The following DLGAP2 variants were observed in gnomAD, a reference collection of about 807,000 sequenced individuals.
The protein encoded by DLGAP2 is DLG associated protein 2.
A neutral mutation model predicts 100.3 loss-of-function variants in DLGAP2; 26 were observed. The ratio of observed to expected loss-of-function variants is 0.26; its 90% CI spans 0.19 to 0.36. DLGAP2 has a LOEUF of 0.36. DLGAP2 is among the 10% of genes least tolerant of loss of function. DLGAP2 has a pLI of 1.00. For synonymous variants in DLGAP2, 886 were observed against 630.1 expected, an observed-to-expected ratio of 1.41 and a Z score of -6.08; for missense variants, 1,858 against 1,453.2, an observed-to-expected ratio of 1.28 and a Z score of -4.53.
intron 6 of DLGAP2, among the ~76,000 whole-genome samples, chr8:1,577,350 A>G (rs1057277254): frequency 2.0e-5 from 3 of 151,724 alleles, no homozygotes; most frequent in Non-Finnish European, 4.4e-5. Context: ...GGGCAGATCA[A>G]CTGAGGTCAG....
intron 6 of DLGAP2, among the ~76,000 whole-genome samples, chr8:1,573,381 G>A (rs1333661853): frequency 7.1e-6 from 1 of 140,172 alleles, no homozygotes; most frequent in African/African-American, 2.7e-5. Context: ...CTGATGAGAT[G>A]GAGGGGAGAG....
chr8:1,487,725 T>C (rs1799266157), intron 3 of DLGAP2, among the ~76,000 whole-genome samples: 1 of 152,236 alleles, frequency 6.6e-6, no homozygotes, highest in Non-Finnish European at 1.5e-5. Flanking sequence ...AGGTCCCACC[T>C]GTGCACTGCT....
intron 10 of DLGAP2, among the ~76,000 whole-genome samples, chr8:1,675,737 T>G (rs1237225610): frequency 6.6e-6 from 1 of 152,134 alleles, no homozygotes; most frequent in Non-Finnish European, 1.5e-5. Context: ...AGGTAATACT[T>G]TTCTGGAAAG....
intron 2 of DLGAP2, among the ~76,000 whole-genome samples, chr8:922,653 G>C (rs1387077503): frequency 6.6e-6 from 1 of 152,180 alleles, no homozygotes; most frequent in Non-Finnish European, 1.5e-5. Flanking sequence ...ATATCTAATA[G>C]AAATAGTTTT....
chr8:1,663,969 G>C (rs2472105), intron 8 of DLGAP2, among the ~76,000 whole-genome samples: 1 of 152,202 alleles, frequency 6.6e-6, no homozygotes, highest in African/African-American at 2.4e-5. Context: ...TCAGCCCCCA[G>C]AGGAGCCTGC....
intron 1 of DLGAP2, among the ~76,000 whole-genome samples, chr8:875,260 T>C (rs570282880): frequency 6.6e-6 from 1 of 152,330 alleles, no homozygotes; most frequent in African/African-American, 2.4e-5. Context: ...ATCATTGATA[T>C]AGTTGGATTT....
At chr8:828,121 G>C (rs1283168757) in intron 1 of DLGAP2, among the ~76,000 whole-genome samples, 1 of 152,162 alleles carries the variant, frequency 6.6e-6, no homozygotes, top group Non-Finnish European at 1.5e-5. Flanking sequence ...CCACAGGACC[G>C]AAGCGAAATT....
intron 3 of DLGAP2, among the ~76,000 whole-genome samples, chr8:1,489,545 T>A (rs7843102): frequency 0.68 from 102,636 of 151,564 alleles, 35,604 homozygotes; most frequent in African/African-American, 0.82. Context: ...TACTGTCTTT[T>A]CCAAAGACTG....
chr8:1,130,001 A>G (rs1209760488), intron 2 of DLGAP2, among the ~76,000 whole-genome samples: 2 of 152,226 alleles, frequency 1.3e-5, no homozygotes, highest in African/African-American at 4.8e-5. Context: ...ATCATGGTCA[A>G]GGGATCCTGC....
intron 2 of DLGAP2, among the ~76,000 whole-genome samples, chr8:1,029,313 C>T (rs2129027503): frequency 6.6e-6 from 1 of 152,300 alleles, no homozygotes; most frequent in East Asian, 1.9e-4. Flanking sequence ...GAGAAGAGTA[C>T]AACCTGGGAC....
intron 2 of DLGAP2, among the ~76,000 whole-genome samples, chr8:1,171,065 G>C (rs1346388172): frequency 6.6e-6 from 1 of 151,982 alleles, no homozygotes; most frequent in African/African-American, 2.4e-5. Context: ...ATGTGTCCGA[G>C]ATTCTGGTAT....
rs954366122 is a variant in DLGAP2 at position 1,705,613 on chromosome 8, G to A, written c.*4207G>A. 6.6e-6 allele frequency: 1 copy of A among 152,388 alleles called. No homozygotes were observed. The highest frequency in any genetic ancestry group is 1.5e-5 in the Non-Finnish European group (1 of 68,174). The allele number at this position is 152,388 out of a possible 1,614,324, so 9.4% of individuals were successfully genotyped here. ...ACTGAAAACTGAAATTGCCCCACCT[G>A]TGAGCACAGAAACACGCTTCTCCAA... is the stretch of plus-strand genomic sequence containing the variant. On this transcript the variant is annotated 3_prime_UTR_variant, in exon 15 of 15. Coordinates refer to ENST00000637795, the MANE Select transcript of DLGAP2 (RefSeq NM_001346810.2).
chr8:1,446,316 C>T (rs1243970626), intron 3 of DLGAP2, among the ~76,000 whole-genome samples: 7 of 151,908 alleles, frequency 4.6e-5, no homozygotes, highest in African/African-American at 1.7e-4. Context: ...ATATGGCTAG[C>T]CAGTTTTCCC....
chr8:774,755 TGTA>T (rs1330024463), intron 1 of DLGAP2, among the ~76,000 whole-genome samples: 1 of 150,072 alleles, frequency 6.7e-6, no homozygotes, highest in East Asian at 2.0e-4. Flanking sequence ...ACTGTAGCCT[TGTA>T]GTATAGTTTG....
At chr8:1,563,778 G>A (rs922901908) in intron 5 of DLGAP2, among the ~76,000 whole-genome samples, 1 of 152,122 alleles carries the variant, frequency 6.6e-6, no homozygotes, top group Admixed American at 6.5e-5. Flanking sequence ...GAATACAGGG[G>A]CCTTCAGCCA....
At chr8:897,909 A>C (rs572964964) in intron 1 of DLGAP2, among the ~76,000 whole-genome samples, 8 of 152,160 alleles carry the variant, frequency 5.3e-5, no homozygotes, top group Admixed American at 2.6e-4. Flanking sequence ...AAAGCCCTGC[A>C]CGTGCAGCGA....
At chr8:1,307,140 A>G (rs1404171752) in intron 3 of DLGAP2, among the ~76,000 whole-genome samples, 1 of 150,720 alleles carries the variant, frequency 6.6e-6, no homozygotes, top group Non-Finnish European at 1.5e-5. Flanking sequence ...CAAATCATAT[A>G]TCAATCTGAA....
chr8:1,111,885 A>G (rs956794127), intron 2 of DLGAP2, among the ~76,000 whole-genome samples: 2 of 151,972 alleles, frequency 1.3e-5, no homozygotes, highest in Non-Finnish European at 2.9e-5. Flanking sequence ...ATGTGTCTTT[A>G]TGGTAGAATG....
At chr8:1,620,486 G>T (rs1317843903) in intron 6 of DLGAP2, 1 of 152,322 alleles carries the variant, frequency 6.6e-6, no homozygotes, top group East Asian at 1.9e-4. Flanking sequence ...CACTTGCTCT[G>T]TTCTTTCACA....
Sources: gnomAD v4.1 joint callset for allele counts (sites outside exome capture counted in the v4.1 genomes callset) on GRCh38, gnomAD v4.1.1 for gene constraint, MANE v1.5 for transcripts, NCBI Gene and HGNC (gene_info 2026-07-23, HGNC 2026-07-21) for gene names.